Variants in EIF4ENIF1 observed in about 807,000 individuals in gnomAD.
EIF4ENIF1 encodes eukaryotic translation initiation factor 4E transporter.
EIF4ENIF1 carries 23 observed loss-of-function variants against 110.5 expected under a neutral mutation model. The observed-to-expected ratio is 0.21, with a 90% CI of 0.15 to 0.29. EIF4ENIF1 has a LOEUF of 0.29. EIF4ENIF1 is among the 10% of genes least tolerant of loss of function. EIF4ENIF1 has a pLI of 1.00. For missense variants in EIF4ENIF1, 1,031 were observed against 1,221.1 expected, an observed-to-expected ratio of 0.84 and a Z score of 2.32; for synonymous variants, 440 against 437.0, an observed-to-expected ratio of 1.01 and a Z score of -0.09.
intron 2 of EIF4ENIF1, among the ~76,000 whole-genome samples, chr22:31,483,243 T>G (rs1003924103): frequency 7.2e-6 from 1 of 139,842 alleles, no homozygotes; most frequent in Non-Finnish European, 1.5e-5. Context: ...AGACAGGGTC[T>G]CTTTTTGTTG....
At chr22:31,479,791 C>A (rs1464100868) in intron 2 of EIF4ENIF1, among the ~76,000 whole-genome samples, 1 of 150,584 alleles carries the variant, frequency 6.6e-6, no homozygotes, top group Non-Finnish European at 1.5e-5. Flanking sequence ...CTCACTGCAG[C>A]CTCAAAACTC....
At chr22:31,442,261 C>A in intron 16 of EIF4ENIF1, 143 bp from the exon 17 acceptor site, 1 of 665,836 alleles carries the variant, frequency 1.5e-6, no homozygotes, top group South Asian at 2.0e-5. Context: ...ACGGTAGGAA[C>A]CATCGTTTGC....
chr22:31,449,375 G>C lies in EIF4ENIF1; in HGVS notation c.1741C>G (p.Leu581Val). 6.2e-7 allele frequency: 1 copy of C among 1,613,830 alleles called. No homozygotes were observed. Among genetic ancestry groups the C allele is most frequent in the Non-Finnish European group, 8.5e-7 (1 of 1,179,946 alleles). ...ATTGGTGATGGTATTCTTGGGCGAA[G>C]GTAGTCAGCTGAGGCTGCTCGAGTT... ...FQTRAASADY[L>V]RPRIPSPIGF... Residue 581 changes from leucine (L) to valine (V), a missense_variant, in exon 12 of 19, where the codon CTT becomes GTT. Leu to Val is a conservative substitution (Grantham distance 32). This residue lies in a region of EIF4ENIF1 where 704 missense variants were observed against 879.7 expected (regional missense o/e 0.80). Coordinates refer to ENST00000330125, the MANE Select transcript of EIF4ENIF1 (RefSeq NM_019843.4).
chr22:31,450,738 ACACT>A (rs768355489), intron 10 of EIF4ENIF1: 1,053 of 267,836 alleles, frequency 3.9e-3, no homozygotes, highest in East Asian at 0.012. Flanking sequence ...ACACACACAC[ACACT>A]CATATATACA....
intron 2 of EIF4ENIF1, among the ~76,000 whole-genome samples, chr22:31,487,709 G>C (rs559731894): frequency 6.6e-6 from 1 of 150,878 alleles, no homozygotes; most frequent in Non-Finnish European, 1.5e-5. Context: ...AGGATGGCTT[G>C]AGCCCGGGAG....
chr22:31,472,818 T>C (rs2051429916), intron 2 of EIF4ENIF1, among the ~76,000 whole-genome samples: 1 of 152,328 alleles, frequency 6.6e-6, no homozygotes, highest in Non-Finnish European at 1.5e-5. Context: ...TTCCTATGTT[T>C]TGGAGACATT....
chr22:31,444,755 A>C, intron 14 of EIF4ENIF1, 65 bp from the exon 15 acceptor site: 1 of 1,481,580 alleles, frequency 6.7e-7, no homozygotes, highest in Admixed American at 1.7e-5. Flanking sequence ...AAAACCATAT[A>C]ATACTCAAGA....
At chr22:31,493,561 G>A (rs74279029), upstream of EIF4ENIF1, among the ~76,000 whole-genome samples, 9,724 of 152,174 alleles carry the variant, frequency 0.064, 368 homozygotes, top group South Asian at 0.16. Context: ...CTGACCTCAC[G>A]TGATCCCCCA....
intron 2 of EIF4ENIF1, among the ~76,000 whole-genome samples, chr22:31,473,353 T>C (rs1280988006): frequency 1.3e-5 from 2 of 152,172 alleles, no homozygotes; most frequent in Non-Finnish European, 1.5e-5. Flanking sequence ...CTGCCAGTTT[T>C]TTTTATAACT....
intron 2 of EIF4ENIF1, among the ~76,000 whole-genome samples, chr22:31,472,168 G>C (rs566160381): frequency 7.2e-5 from 11 of 151,968 alleles, no homozygotes; most frequent in Non-Finnish European, 1.3e-4. Context: ...ATAACATTTC[G>C]TAACACTGAA....
chr22:31,456,341 A>C (rs1476336622), intron 7 of EIF4ENIF1, among the ~76,000 whole-genome samples: 2 of 149,930 alleles, frequency 1.3e-5, no homozygotes, highest in South Asian at 2.1e-4. Context: ...CTCCTGCCTC[A>C]GCCTCCTGAG....
chr22:31,439,943 C>G lies in EIF4ENIF1; in HGVS notation c.2895G>C (p.Gln965His). The change falls in exon 19 of 19, where the codon CAG becomes CAC. Residue 965 changes from glutamine to histidine, a missense_variant. Physicochemically the swap from Gln to His is conservative, Grantham distance 24. Around this residue, in one of 3 missense-constraint regions of EIF4ENIF1, gnomAD observed 18 missense variants for 42.3 expected, o/e 0.43. Coordinates refer to ENST00000330125, the MANE Select transcript of EIF4ENIF1 (RefSeq NM_019843.4). ...LAKWFGSDVL[Q>H]QPLPSMPAKV... ...TGGCGGGCATGGAGGGCAGGGGTTG[C>G]TGTAGCACATCTGAGCCAAACCATT... is the stretch of plus-strand genomic sequence containing the variant. 6.2e-7 allele frequency: 1 copy of G among 1,614,154 alleles called. No individual in the cohort carries two copies. The highest frequency in any genetic ancestry group is 8.5e-7 in the Non-Finnish European group (1 of 1,180,020).
Position 31,440,833 on chromosome 22 carries a change from G to C in EIF4ENIF1, c.2587C>G (p.Gln863Glu). The C allele has an allele frequency of 6.2e-7, 1 of 1,613,988 alleles. No individual in the cohort carries two copies. The highest frequency in any genetic ancestry group is 8.5e-7 in the Non-Finnish European group (1 of 1,179,878). Residue 863 changes from glutamine (Q) to glutamate (E), a missense_variant, in exon 18 of 19, where the codon CAG becomes GAG. Physicochemically the swap from Gln to Glu is conservative, Grantham distance 29. Around this residue, in one of 3 missense-constraint regions of EIF4ENIF1, gnomAD observed 309 missense variants for 299.1 expected, o/e 1.03. Transcript: ENST00000330125. Reference sequence around the variant, plus strand: ...CCCAGGATGGGGCCAGATATTCCCTGTAAATGACTCAAGTCCATCCCAGGA... The same window carrying C: ...CCCAGGATGGGGCCAGATATTCCCTCTAAATGACTCAAGTCCATCCCAGGA... ...LPPGMDLSHL[Q>E]GISGPILGQP...
intron 14 of EIF4ENIF1, 148 bp downstream of exon 14, chr22:31,447,278 C>A (rs747616408): frequency 1.5e-4 from 134 of 897,940 alleles, no homozygotes; most frequent in Non-Finnish European, 1.9e-4. Flanking sequence ...AAATCTATTT[C>A]TTCTATTGAT....
chr22:31,450,487 G>C (rs1273762302), intron 10 of EIF4ENIF1, 127 bp from the exon 11 acceptor site: 2 of 677,692 alleles, frequency 3.0e-6, no homozygotes, highest in South Asian at 1.7e-5. Flanking sequence ...TCAAGTCACA[G>C]AAAACTTAGA....
chr22:31,454,450 C>T, intron 9 of EIF4ENIF1, 74 bp from the exon 10 acceptor site: 1 of 1,238,920 alleles, frequency 8.1e-7, no homozygotes, highest in Non-Finnish European at 1.2e-6. Context: ...GCTAGTATGA[C>T]AGATAAGATG....
At chr22:31,442,786 G>C (rs2145896676) in intron 16 of EIF4ENIF1, among the ~76,000 whole-genome samples, 176 bp downstream of exon 16, 1 of 152,306 alleles carries the variant, frequency 6.6e-6, no homozygotes, top group Middle Eastern at 3.4e-3. Context: ...ATTGTGAGCT[G>C]GCCCAATTCT....
At position 31,454,301 on chromosome 22, in the gene EIF4ENIF1, T is replaced by C; in HGVS notation, c.1355A>G (p.Lys452Arg). The C allele has an allele frequency of 1.2e-6, 2 of 1,614,168 alleles. No homozygotes were observed. The highest frequency in any genetic ancestry group is 8.5e-7 in the Non-Finnish European group (1 of 1,180,028). The change falls in exon 10 of 19, where the codon AAG becomes AGG. Residue 452 changes from lysine (K) to arginine (R), a missense_variant. Lys to Arg is a conservative substitution (Grantham distance 26, BLOSUM62 2). This residue lies in a region of EIF4ENIF1 where 704 missense variants were observed against 879.7 expected (regional missense o/e 0.80). Coordinates refer to ENST00000330125, the MANE Select transcript of EIF4ENIF1 (RefSeq NM_019843.4). ...TTCTGCCATGAAGGGAGTTGAATTCTTCACTTGCTGGTCAACCTTCAAGCC... is the reference window on the plus strand; with the variant it reads ...TTCTGCCATGAAGGGAGTTGAATTCCTCACTTGCTGGTCAACCTTCAAGCC... ...LKGLKVDQQV[K>R]NSTPFMAEHL... is the part of the protein sequence containing the mutation.
intron 4 of EIF4ENIF1, among the ~76,000 whole-genome samples, chr22:31,464,675 CAAAAAAAAAAAAAA>C (rs770904708): frequency 0.16 from 4,883 of 31,114 alleles, 962 homozygotes; most frequent in Admixed American, 0.28. Context: ...GATTCAGTCT[CAAAAAAAAAAAAAA>C]AAAAAAAAAA....
Sources: allele counts gnomAD v4.1 joint callset (sites outside exome capture counted in the v4.1 genomes callset), GRCh38; gene constraint gnomAD v4.1.1; regional missense constraint gnomAD v4.1.1; transcripts MANE v1.5; gene names NCBI Gene and HGNC (gene_info 2026-07-23, HGNC 2026-07-21).